Variants in TEX55 observed in about 807,000 individuals in gnomAD.
TEX55 encodes testis expressed 55, also known as testis-specific expressed protein 55.
A neutral mutation model predicts 44.6 loss-of-function variants in TEX55; 31 were observed. The ratio of observed to expected loss-of-function variants is 0.69; its 90% CI spans 0.52 to 0.94. The LOEUF (loss-of-function observed/expected upper bound fraction) is 0.94, where lower values mean the gene tolerates loss of function less well. Ranked by LOEUF, TEX55 falls within the 40% of genes least tolerant of loss-of-function variation. The pLI is 0.00. For synonymous variants in TEX55, 230 were observed against 230.9 expected (o/e 1.00, Z 0.04); for missense variants, 639 against 638.4 (o/e 1.00, Z -0.01).
chr3:119,148,034 G>A, intron 1 of TEX55, 146 bp from the exon 2 acceptor site: 1 of 748,492 alleles, frequency 1.3e-6, no homozygotes, highest in Non-Finnish European at 2.2e-6. Flanking sequence ...GAGACCTGGA[G>A]GATTATCCAA....
At position 119,146,306 on chromosome 3, in the gene TEX55, C is replaced by T; in HGVS notation, c.117C>T (p.Ala39=). Residue 39 remains alanine, a synonymous_variant, in exon 1 of 3, where the codon GCC becomes GCT. Transcript: ENST00000295622. ...GQEEDDQKNQ[A]ERKADNHTAH... is the part of the protein sequence containing the mutation. ...AAGAAGACGACCAGAAGAACCAGGC[C>T]GAAAGGAAGGCAGATAACCACACTG... is the stretch of plus-strand genomic sequence containing the variant. 1 of 1,614,066 alleles carries T rather than the reference C, an allele frequency of 6.2e-7. No individual in the cohort carries two copies. The highest frequency in any genetic ancestry group is 1.1e-5 in the South Asian group (1 of 91,068).
In TEX55 at chr3:119,146,383, C is replaced by T. The variant is rs767652604; in HGVS notation, c.194C>T (p.Ser65Phe). ...TALRVPSQAE[S>F]SIFSQATNGV... The stretch of plus-strand genomic sequence containing the variant: ...CTAAGAGTGCCTAGCCAGGCTGAAT[C>T]CAGCATATTTAGCCAAGCTACCAAC... Residue 65 changes from serine to phenylalanine, a missense_variant, in exon 1 of 3, where the codon TCC becomes TTC. Physicochemically the swap from Ser to Phe is radical, Grantham distance 155. Transcript: ENST00000295622. 1.2e-6 allele frequency: 2 copies of T among 1,614,154 alleles called. No individual in the cohort carries two copies. The highest frequency in any genetic ancestry group is 1.7e-6 in the Non-Finnish European group (2 of 1,180,014).
In TEX55 at chr3:119,151,285, AG is replaced by A; in HGVS notation, c.1606del (p.Val536TyrfsTer33). Reference sequence around the variant, plus strand: ...GACCCCCTGAATTTTATGCTGTGCCAGGTATAGAATTGGAGAAAAAGAACAA... The same window carrying A: ...GACCCCCTGAATTTTATGCTGTGCCAGTATAGAATTGGAGAAAAAGAACAA... ...PEDPLNFMLC[Q>X]V On this transcript the variant is annotated frameshift_variant, in exon 3 of 3. Transcript: ENST00000295622. LOFTEE classifies it high-confidence loss of function. The A allele has an allele frequency of 6.2e-7, 1 of 1,613,002 alleles. No homozygotes were observed. The highest frequency in any genetic ancestry group is 8.5e-7 in the Non-Finnish European group (1 of 1,179,092).
chr3:119,147,721 T>C, intron 1 of TEX55, 134 bp downstream of exon 1: 1 of 765,262 alleles, frequency 1.3e-6, no homozygotes, highest in East Asian at 2.7e-5. Context: ...TGTTGTGGTA[T>C]GTGTGACCCA....
At chr3:119,148,460 A>C in intron 2 of TEX55, 137 bp downstream of exon 2, 3 of 797,548 alleles carry the variant, frequency 3.8e-6, no homozygotes, top group Non-Finnish European at 5.9e-6. Context: ...GTAGTAAATG[A>C]TAAACACCAA....
chr3:119,147,431 T>G lies in TEX55; in HGVS notation c.1242T>G (p.Asn414Lys). Residue 414 changes from asparagine (N) to lysine (K), a missense_variant, in exon 1 of 3, where the codon AAT becomes AAG. Coordinates refer to ENST00000295622, the MANE Select transcript of TEX55 (RefSeq NM_152539.3). ...SKPSVEMETQ[N>K]ATTIPPYNPV... ...CTTCAGTTGAAATGGAAACTCAGAA[T>G]GCAACCACTATCCCACCCTACAACC... The G allele has an allele frequency of 6.2e-7, 1 of 1,614,144 alleles. No homozygotes were observed.
chr3:119,146,799 C>T lies in TEX55; in HGVS notation c.610C>T (p.Arg204Ter), dbSNP rs749756682. ...CCGCAGAATGTCTGGCGAGGCTGAGCGAAGAACTTCTGAGCAGATTACACA... is the reference window on the plus strand; with the variant it reads ...CCGCAGAATGTCTGGCGAGGCTGAGTGAAGAACTTCTGAGCAGATTACACA... ...MDRRMSGEAE[R>*]RTSEQITHRL... Residue 204 changes from arginine (R) to a stop codon, truncating the protein, a stop_gained, in exon 1 of 3, where the codon CGA becomes TGA. Transcript: ENST00000295622. LOFTEE classifies it high-confidence loss of function. The T allele has an allele frequency of 6.2e-6, 10 of 1,613,866 alleles. No homozygotes were observed. The highest frequency in any genetic ancestry group is 3.3e-5 in the Admixed American group (2 of 60,000).
chr3:119,146,926 C>T lies in TEX55; in HGVS notation c.737C>T (p.Ser246Leu), dbSNP rs780307320. 7 of 1,613,906 alleles carry T rather than the reference C, an allele frequency of 4.3e-6. No homozygotes were observed. The highest frequency in any genetic ancestry group is 1.7e-5 in the Admixed American group (1 of 60,022). Residue 246 changes from serine (S) to leucine (L), a missense_variant, in exon 1 of 3, where the codon TCG becomes TTG. Physicochemically the swap from Ser to Leu is moderately radical, Grantham distance 145. Transcript: ENST00000295622. ...CCTTCTGTACAGATTGACAGTGGATCGTCCGTACCATCTGACCAAAGACCT... is the reference window on the plus strand; with the variant it reads ...CCTTCTGTACAGATTGACAGTGGATTGTCCGTACCATCTGACCAAAGACCT... ...QSPSVQIDSGSSVPSDQRPSV... is the reference protein window; with the variant it reads ...QSPSVQIDSGLSVPSDQRPSV...
chr3:119,149,774 G>C (rs2077765377), intron 2 of TEX55, among the ~76,000 whole-genome samples: 1 of 152,090 alleles, frequency 6.6e-6, no homozygotes, highest in Non-Finnish European at 1.5e-5. Context: ...TCACTATATG[G>C]AACACGACTA....
chr3:119,150,320 T>G (rs1246737271), intron 2 of TEX55, among the ~76,000 whole-genome samples: 1 of 75,078 alleles, frequency 1.3e-5, no homozygotes, highest in Non-Finnish European at 2.8e-5. Context: ...TTTTATAATT[T>G]TCTTCACCTG....
chr3:119,149,087 T>G (rs1357867739), intron 2 of TEX55, among the ~76,000 whole-genome samples: 6 of 152,120 alleles, frequency 3.9e-5, no homozygotes, highest in Non-Finnish European at 5.9e-5. Flanking sequence ...TTTTAACATA[T>G]TTTTCTTCAA....
chr3:119,150,490 C>T (rs2077771537), intron 2 of TEX55, among the ~76,000 whole-genome samples: 1 of 151,974 alleles, frequency 6.6e-6, no homozygotes, highest in Admixed American at 6.6e-5. Context: ...TTTTTATGCC[C>T]TGCAAGTGAG....
intron 2 of TEX55, among the ~76,000 whole-genome samples, chr3:119,150,000 A>G (rs1391754538): frequency 6.6e-6 from 1 of 152,234 alleles, no homozygotes; most frequent in Non-Finnish European, 1.5e-5. Context: ...GCAAAGAAGT[A>G]GAGCATGGAG....
At chr3:119,150,207 G>A (rs1576853136) in intron 2 of TEX55, among the ~76,000 whole-genome samples, 1 of 152,108 alleles carries the variant, frequency 6.6e-6, no homozygotes, top group East Asian at 1.9e-4. Context: ...TGTTGGAAGA[G>A]TACTAATGTC....
Position 119,147,313 on chromosome 3 carries a change from C to T in TEX55, c.1124C>T (p.Pro375Leu), listed in dbSNP as rs764221692. Residue 375 changes from proline (P) to leucine (L), a missense_variant, in exon 1 of 3, where the codon CCC becomes CTC. Physicochemically the swap from Pro to Leu is moderately conservative, Grantham distance 98. Transcript: ENST00000295622. The stretch of plus-strand genomic sequence containing the variant: ...GGCCAGTCTGAAGACAGAATATTTC[C>T]CCAGTTAGGCAACAGCAAAGAGGAC... ...TRGQSEDRIF[P>L]QLGNSKEDKE... The T allele has an allele frequency of 6.2e-7, 1 of 1,614,136 alleles. No homozygotes were observed.
At chr3:119,150,966 G>T (rs1358982399) in intron 2 of TEX55, among the ~76,000 whole-genome samples, 1 of 152,084 alleles carries the variant, frequency 6.6e-6, no homozygotes, top group Non-Finnish European at 1.5e-5. Flanking sequence ...AGAAATAGTG[G>T]TGTGCACCTA....
In TEX55 at chr3:119,148,168, T is replaced by C. The variant is rs2107557162; in HGVS notation, c.1399-12T>C. 1 of 1,601,694 alleles carries C rather than the reference T, an allele frequency of 6.2e-7. No homozygotes were observed. Among genetic ancestry groups the C allele is most frequent in the Non-Finnish European group, 8.5e-7 (1 of 1,176,366 alleles). On this transcript the variant is annotated splice_polypyrimidine_tract_variant and intron_variant, in intron 1 of 2. Transcript: ENST00000295622. ...TACTAAGGACTTTTTGGTGGGGGGATTTAAATTTCAGGATGAATTTTCAGA... is the reference window on the plus strand; with the variant it reads ...TACTAAGGACTTTTTGGTGGGGGGACTTAAATTTCAGGATGAATTTTCAGA...
At chr3:119,149,505 T>A (rs1576852810) in intron 2 of TEX55, among the ~76,000 whole-genome samples, 1 of 152,306 alleles carries the variant, frequency 6.6e-6, no homozygotes, top group Middle Eastern at 3.4e-3. Flanking sequence ...GTTAACTTTT[T>A]TAAATAGGTA....
At chr3:119,147,642 C>A in intron 1 of TEX55, 55 bp downstream of exon 1, 1 of 1,455,846 alleles carries the variant, frequency 6.9e-7, no homozygotes, top group Non-Finnish European at 9.4e-7. Flanking sequence ...CTAGACGGGG[C>A]CTGGAGAGTA....
Sources: allele counts gnomAD v4.1 joint callset (sites outside exome capture counted in the v4.1 genomes callset), GRCh38; gene constraint gnomAD v4.1.1; transcripts MANE v1.5; gene names NCBI Gene and HGNC (gene_info 2026-07-23, HGNC 2026-07-21).